The following FRMD4B variants were observed in gnomAD, a reference collection of about 807,000 sequenced individuals.
FRMD4B encodes the protein FERM domain-containing protein 4B.
A neutral mutation model predicts 141.5 loss-of-function variants in FRMD4B; 74 were observed. That is an observed-to-expected ratio of 0.52 (90% CI 0.43 to 0.63). The LOEUF (loss-of-function observed/expected upper bound fraction) is 0.63, where lower values mean the gene tolerates loss of function less well. FRMD4B is among the 30% of genes least tolerant of loss of function. The pLI, the probability that FRMD4B is intolerant of heterozygous loss-of-function variation, is 0.00. For synonymous variants in FRMD4B, 506 were observed against 467.9 expected, an observed-to-expected ratio of 1.08 and a Z score of -1.05; for missense variants, 1,366 against 1,253.4, an observed-to-expected ratio of 1.09 and a Z score of -1.36.
intron 1 of FRMD4B, among the ~76,000 whole-genome samples, chr3:69,443,325 C>T (rs1023223677): frequency 7.2e-5 from 11 of 152,188 alleles, no homozygotes; most frequent in Non-Finnish European, 1.5e-4. Context: ...CCAAACTCCA[C>T]TGGCACAGAA....
At chr3:69,532,584 C>G (rs1701021324) in intron 1 of FRMD4B, among the ~76,000 whole-genome samples, 1 of 152,190 alleles carries the variant, frequency 6.6e-6, no homozygotes, top group Non-Finnish European at 1.5e-5. Context: ...CTTGGCCTTC[C>G]TGGTTGTTGA....
chr3:69,491,920 T>A (rs1038627357), intron 1 of FRMD4B, among the ~76,000 whole-genome samples: 3 of 152,206 alleles, frequency 2.0e-5, no homozygotes, highest in Non-Finnish European at 4.4e-5. Flanking sequence ...ATTCAGGAAG[T>A]GTTGTCATGC....
intron 5 of FRMD4B, among the ~76,000 whole-genome samples, chr3:69,276,110 T>C (rs1015270386): frequency 1.3e-5 from 2 of 152,214 alleles, no homozygotes; most frequent in Non-Finnish European, 1.5e-5. Flanking sequence ...TGATTTGTAA[T>C]TTATATAATG....
chr3:69,246,696 G>A (rs2093428088), intron 7 of FRMD4B, among the ~76,000 whole-genome samples: 1 of 152,164 alleles, frequency 6.6e-6, no homozygotes, highest in Non-Finnish European at 1.5e-5. Context: ...TCAGAGGGAT[G>A]TTGCCAGTCT....
intron 11 of FRMD4B, among the ~76,000 whole-genome samples, chr3:69,209,738 T>C (rs1686007910): frequency 6.6e-6 from 1 of 152,208 alleles, no homozygotes; most frequent in Non-Finnish European, 1.5e-5. Context: ...GATGGACCAG[T>C]CTCTGGTTGA....
intron 1 of FRMD4B, among the ~76,000 whole-genome samples, chr3:69,450,636 C>T (rs1477632144): frequency 6.6e-6 from 1 of 152,176 alleles, no homozygotes; most frequent in Admixed American, 6.5e-5. Context: ...TGCCTATAAT[C>T]CCAGTTACTC....
chr3:69,273,920 G>GAAA (rs545199910), intron 5 of FRMD4B, among the ~76,000 whole-genome samples: 5 of 136,678 alleles, frequency 3.7e-5, no homozygotes, highest in Admixed American at 7.4e-5. Flanking sequence ...GGTAGACAAG[G>GAAA]AAAAAAAAAA....
At chr3:69,435,010 A>G (rs967576852) in intron 1 of FRMD4B, among the ~76,000 whole-genome samples, 2 of 152,094 alleles carry the variant, frequency 1.3e-5, no homozygotes, top group African/African-American at 2.4e-5. Context: ...CCCTGGTACC[A>G]CTTTTTGTGC....
intron 1 of FRMD4B, among the ~76,000 whole-genome samples, chr3:69,465,700 T>C (rs1705771456): frequency 6.6e-6 from 1 of 152,206 alleles, no homozygotes; most frequent in African/African-American, 2.4e-5. Context: ...TTCATCCATG[T>C]CCCTTGCAAA....
chr3:69,461,042 T>A (rs1469247716), intron 1 of FRMD4B, among the ~76,000 whole-genome samples: 1 of 152,202 alleles, frequency 6.6e-6, no homozygotes, highest in East Asian at 1.9e-4. Flanking sequence ...AAGTTTTTGG[T>A]CTCTCAAAAT....
intron 1 of FRMD4B, among the ~76,000 whole-genome samples, chr3:69,529,243 A>G (rs762175256): frequency 1.3e-5 from 2 of 152,188 alleles, no homozygotes; most frequent in South Asian, 4.1e-4. Flanking sequence ...AAAAGAAACC[A>G]AGGATCCAGA....
At chr3:69,436,569 G>A (rs999187931) in intron 1 of FRMD4B, among the ~76,000 whole-genome samples, 7 of 152,182 alleles carry the variant, frequency 4.6e-5, no homozygotes, top group Non-Finnish European at 8.8e-5. Context: ...ATTACCATAT[G>A]ATCCAGCAAT....
chr3:69,423,459 C>T (rs1026561082), intron 2 of FRMD4B, among the ~76,000 whole-genome samples: 1 of 152,204 alleles, frequency 6.6e-6, no homozygotes, highest in Non-Finnish European at 1.5e-5. Flanking sequence ...ACACACGTCC[C>T]TTTCAGAGTC....
In FRMD4B at chr3:69,268,568, G is replaced by A. The variant is rs1159566187; in HGVS notation, c.502-18469C>T. ...CAATTTGAATTAGTAGCAGCAGGGCGTTCTGATGCAAAACTATTTTTTCTC... is the reference window on the plus strand; with the variant it reads ...CAATTTGAATTAGTAGCAGCAGGGCATTCTGATGCAAAACTATTTTTTCTC... On this transcript the variant is annotated intron_variant, in intron 5 of 22. Transcript: ENST00000398540. Among the ~76,000 whole-genome samples, 5 of 151,910 alleles carry A rather than the reference G, an allele frequency of 3.3e-5. No homozygotes were observed. In the East Asian group the frequency reaches 9.6e-4, roughly 29 times the overall value.
intron 2 of FRMD4B, among the ~76,000 whole-genome samples, chr3:69,404,068 A>G (rs1396075889): frequency 6.6e-6 from 1 of 152,116 alleles, no homozygotes; most frequent in Non-Finnish European, 1.5e-5. Context: ...GCTGTTTAAA[A>G]AAATGTTTTT....
intron 11 of FRMD4B, among the ~76,000 whole-genome samples, chr3:69,205,485 A>G (rs1445354171): frequency 6.6e-6 from 1 of 152,176 alleles, no homozygotes; most frequent in Non-Finnish European, 1.5e-5. Flanking sequence ...CTGGGATTAT[A>G]GGCATGAGCC....
intron 1 of FRMD4B, among the ~76,000 whole-genome samples, chr3:69,500,893 G>A (rs548742921): frequency 1.9e-4 from 29 of 152,168 alleles, no homozygotes; most frequent in Non-Finnish European, 3.4e-4. Flanking sequence ...GGAAAGTCAC[G>A]CTCTCCACAT....
At chr3:69,542,482 C>G (rs1019824510) in exon 1 of FRMD4B, 1 of 153,342 alleles carries the variant, frequency 6.5e-6, no homozygotes, top group African/African-American at 2.4e-5. Flanking sequence ...AGGTCGCCCC[C>G]GCCACCGCCG....
chr3:69,197,020 T>A lies in FRMD4B; in HGVS notation c.972A>T (p.Arg324Ser). 1 of 1,611,172 alleles carries A rather than the reference T, an allele frequency of 6.2e-7. No individual in the cohort carries two copies. The highest frequency in any genetic ancestry group is 8.5e-7 in the Non-Finnish European group (1 of 1,177,670). Residue 324 changes from arginine to serine, a missense_variant, in exon 13 of 23, where the codon AGA becomes AGT. Coordinates refer to ENST00000398540, the MANE Select transcript of FRMD4B (RefSeq NM_015123.3). The stretch of plus-strand genomic sequence containing the variant: ...CAAACAAGCCACTTTGCCCAAAGGT[T>A]CTTCTTGAAACTGAAATCCTGAAAG... ...HDPRRISVSR[R>S]TFGQSGLFVQ...
Sources: gnomAD v4.1 joint callset for allele counts (sites outside exome capture counted in the v4.1 genomes callset) on GRCh38, gnomAD v4.1.1 for gene constraint, MANE v1.5 for transcripts, NCBI Gene and HGNC (gene_info 2026-07-23, HGNC 2026-07-21) for gene names.